The following RPS6KA5 variants were observed in gnomAD, a reference collection of about 807,000 sequenced individuals.
RPS6KA5 encodes ribosomal protein S6 kinase A5.
In RPS6KA5, 27 loss-of-function variants were observed where a neutral mutation model predicts 85.5. The ratio of observed to expected loss-of-function variants is 0.32; its 90% confidence interval spans 0.23 to 0.44. The LOEUF (loss-of-function observed/expected upper bound fraction) is 0.44, where lower values mean the gene tolerates loss of function less well. RPS6KA5 is among the 20% of genes least tolerant of loss of function. The pLI is 1.00. For missense variants in RPS6KA5, 811 were observed against 980.9 expected (o/e 0.83, Z 2.31); for synonymous variants, 334 against 348.2 (o/e 0.96, Z 0.46).
At position 90,854,284 on chromosome 14, in the gene RPS6KA5, G is replaced by C. The variant is rs1329027040; in HGVS notation, c.*17790C>G. 1.3e-5 allele frequency: 2 copies of C among 151,740 alleles called. No individual in the cohort carries two copies. The highest frequency in any genetic ancestry group is 2.9e-5 in the Non-Finnish European group (2 of 67,990). The allele number at this position is 151,740 out of a possible 1,614,324, so 9.4% of individuals were successfully genotyped here. The stretch of plus-strand genomic sequence containing the variant: ...ATCATTTAATAATAAATGGCTACCA[G>C]ATTTAGAACAAAACTTACTGTAGCC... On this transcript the variant is annotated 3_prime_UTR_variant, in exon 17 of 17. Transcript: ENST00000614987.
intron 7 of RPS6KA5, among the ~76,000 whole-genome samples, chr14:90,910,085 CATT>C (rs1566728210): frequency 1.3e-5 from 2 of 149,070 alleles, no homozygotes; most frequent in Non-Finnish European, 2.9e-5. Flanking sequence ...CAAAAACTTG[CATT>C]ATTTAAAAAA....
chr14:90,885,844 G>C (rs1187087885), intron 14 of RPS6KA5, among the ~76,000 whole-genome samples: 1 of 150,680 alleles, frequency 6.6e-6, no homozygotes, highest in East Asian at 1.9e-4. Context: ...TAATGCAACA[G>C]GTTGTTGGGT....
rs1465079013 is a variant in RPS6KA5, at chr14:90,973,372, G to A, written c.394+4934C>T. 2.0e-5 allele frequency among the ~76,000 whole-genome samples: 3 copies of A among 150,520 alleles called. 1 individual carries two copies. The highest frequency in any genetic ancestry group is 2.0e-4 in the East Asian group (1 of 5,100). On this transcript the variant is annotated intron_variant, in intron 3 of 16. Coordinates refer to ENST00000614987, the MANE Select transcript of RPS6KA5 (RefSeq NM_004755.4). ...TCAGGAGAATCACTTGAACCCAGGA[G>A]GCAGAGGTTGCAGTGAGCCGAGATC...
chr14:90,995,042 T>G (rs967569575), intron 2 of RPS6KA5, among the ~76,000 whole-genome samples: 2 of 151,992 alleles, frequency 1.3e-5, no homozygotes, highest in Non-Finnish European at 2.9e-5. Flanking sequence ...TTGTGTGTGG[T>G]TTTTTGTTTT....
intron 3 of RPS6KA5, among the ~76,000 whole-genome samples, chr14:90,956,415 C>T (rs2038512841): frequency 6.6e-6 from 1 of 151,840 alleles, no homozygotes; most frequent in South Asian, 2.1e-4. Flanking sequence ...CTATTTGTAC[C>T]TTTGATAGTG....
chr14:90,995,175 G>A (rs975907638), intron 2 of RPS6KA5, among the ~76,000 whole-genome samples: 1 of 151,976 alleles, frequency 6.6e-6, no homozygotes, highest in African/African-American at 2.4e-5. Flanking sequence ...ACAGGTGCCC[G>A]CCACAACGCC....
intron 4 of RPS6KA5, among the ~76,000 whole-genome samples, chr14:90,945,538 T>C (rs1170039568): frequency 6.6e-6 from 1 of 152,216 alleles, no homozygotes; most frequent in Non-Finnish European, 1.5e-5. Flanking sequence ...TTTATCAAGA[T>C]TAACATTGCT....
At chr14:91,003,250 T>C (rs1398416487) in intron 1 of RPS6KA5, among the ~76,000 whole-genome samples, 2 of 152,092 alleles carry the variant, frequency 1.3e-5, no homozygotes, top group South Asian at 2.1e-4. Context: ...ATTATATCTA[T>C]ATTTATATTT....
At chr14:90,882,095 AT>A (rs1406071163) in intron 14 of RPS6KA5, among the ~76,000 whole-genome samples, 8 of 151,746 alleles carry the variant, frequency 5.3e-5, no homozygotes, top group African/African-American at 1.9e-4. Context: ...TGTTTAGTTT[AT>A]TTTTTTGTAA....
chr14:90,905,160 T>C (rs2035432487), intron 8 of RPS6KA5, among the ~76,000 whole-genome samples: 1 of 152,080 alleles, frequency 6.6e-6, no homozygotes, highest in African/African-American at 2.4e-5. Context: ...CTAAGAGAAA[T>C]ATGCCTTTTT....
intron 2 of RPS6KA5, among the ~76,000 whole-genome samples, chr14:90,991,267 G>A (rs1445343463): frequency 1.3e-5 from 2 of 152,154 alleles, no homozygotes; most frequent in African/African-American, 4.8e-5. Flanking sequence ...CTACAGAAAG[G>A]CAGACAGGTT....
rs2040836376 is a variant in RPS6KA5, at chr14:91,002,583, G to T, written c.104-1424C>A. Among the ~76,000 whole-genome samples the T allele has an allele frequency of 1.3e-5, 2 of 152,140 alleles. 1 individual carries two copies. Among genetic ancestry groups the T allele is most frequent in the Non-Finnish European group, 2.9e-5 (2 of 67,952 alleles). Reference sequence around the variant, plus strand: ...CAACTAACAACTTTTAGAATGAAAAGCTTTGGGGCATAAATAATTTCAATG... The same window carrying T: ...CAACTAACAACTTTTAGAATGAAAATCTTTGGGGCATAAATAATTTCAATG... On this transcript the variant is annotated intron_variant, in intron 1 of 16. Transcript: ENST00000614987.
At chr14:90,996,043 G>C (rs142652580) in intron 2 of RPS6KA5, among the ~76,000 whole-genome samples, 1 of 152,114 alleles carries the variant, frequency 6.6e-6, no homozygotes, top group Non-Finnish European at 1.5e-5. Context: ...ACAGGGTCTC[G>C]CTCTATCTCC....
chr14:91,000,211 T>C (rs2040725915), intron 2 of RPS6KA5, among the ~76,000 whole-genome samples: 1 of 152,194 alleles, frequency 6.6e-6, no homozygotes, highest in African/African-American at 2.4e-5. Flanking sequence ...ATATTGTACA[T>C]TCTCTTCTGT....
At chr14:90,999,104 A>G (rs980780126) in intron 2 of RPS6KA5, among the ~76,000 whole-genome samples, 1 of 152,182 alleles carries the variant, frequency 6.6e-6, no homozygotes, top group Admixed American at 6.5e-5. Context: ...GCTACTCAGG[A>G]GGCTGAGGCA....
intron 3 of RPS6KA5, among the ~76,000 whole-genome samples, chr14:90,977,520 A>T (rs1940714795): frequency 6.6e-6 from 1 of 152,232 alleles, no homozygotes; most frequent in South Asian, 2.1e-4. Flanking sequence ...ATTAGTAGCT[A>T]ATCAAGTTTT....
intron 5 of RPS6KA5, among the ~76,000 whole-genome samples, chr14:90,931,179 A>G (rs2140319137): frequency 1.3e-5 from 2 of 152,376 alleles, no homozygotes; most frequent in Admixed American, 1.3e-4. Flanking sequence ...AATGTGGCAT[A>G]TAAATACCAT....
intron 1 of RPS6KA5, among the ~76,000 whole-genome samples, chr14:91,014,427 G>A (rs1159721484): frequency 4.7e-5 from 7 of 149,846 alleles, no homozygotes; most frequent in South Asian, 4.2e-4. Context: ...GCTTGAACCC[G>A]GGAGGCAGAG....
rs1375353326 is a variant in RPS6KA5 at position 90,857,959 on chromosome 14, T to G, written c.*14115A>C. 6.6e-6 allele frequency: 1 copy of G among 152,200 alleles called. No individual in the cohort carries two copies. Among genetic ancestry groups the G allele is most frequent in the Non-Finnish European group, 1.5e-5 (1 of 68,038 alleles). The allele number at this position is 152,200 out of a possible 1,614,324, so 9.4% of individuals were successfully genotyped here. A position where few individuals can be genotyped will look rare whatever the true frequency, so the allele number is the denominator to read the frequency against. On this transcript the variant is annotated 3_prime_UTR_variant, in exon 17 of 17. Transcript: ENST00000614987. ...TGAATAAACCGGGTGCCTTCACATA[T>G]GACCATGTGACAACCAAGTTATCAA... is the stretch of plus-strand genomic sequence containing the variant.
Sources: gnomAD v4.1 joint callset for allele counts (sites outside exome capture counted in the v4.1 genomes callset) on GRCh38, gnomAD v4.1.1 for gene constraint, MANE v1.5 for transcripts, NCBI Gene and HGNC (gene_info 2026-07-23, HGNC 2026-07-21) for gene names.